Variants in GALC observed in about 807,000 individuals in gnomAD.
The protein encoded by GALC is galactocerebrosidase.
In GALC, 77 loss-of-function variants were observed where a neutral mutation model predicts 91.8. The observed-to-expected ratio is 0.84, with a 90% confidence interval of 0.70 to 1.01. The LOEUF (loss-of-function observed/expected upper bound fraction) is 1.01. Among genes scored for constraint, GALC ranks in the 50% least tolerant of loss-of-function variants. The pLI is 0.00. For synonymous variants in GALC, 357 were observed against 306.7 expected (o/e 1.16, Z -1.71); for missense variants, 882 against 855.9 (o/e 1.03, Z -0.38).
intron 8 of GALC, among the ~76,000 whole-genome samples, chr14:87,967,529 T>C (rs771125092): frequency 6.7e-6 from 1 of 149,934 alleles, no homozygotes; most frequent in Non-Finnish European, 1.5e-5. Flanking sequence ...TTTTGTTCTA[T>C]TTATCATTGT....
In GALC at chr14:87,947,843, C is replaced by T. The variant is rs375620970; in HGVS notation, c.1374G>A (p.Leu458=). 3 of 1,612,610 alleles carry T rather than the reference C, an allele frequency of 1.9e-6. No individual in the cohort carries two copies. The highest frequency in any genetic ancestry group is 2.2e-5 in the East Asian group (1 of 44,804). Residue 458 remains leucine (L), a synonymous_variant, in exon 13 of 17, where the codon CTG becomes CTA. Transcript: ENST00000261304. ...LDSDGSFTLS[L]HEDELFTLTT... ...TGAGTGTGAACAGCTCATCTTCATG[C>T]AGGCTCAGTGTGAAACTGCCATCGC...
chr14:87,990,149 CTTTA>C (rs1567016254), intron 1 of GALC, among the ~76,000 whole-genome samples: 3 of 152,156 alleles, frequency 2.0e-5, no homozygotes, highest in Admixed American at 1.3e-4. Context: ...CCCGGCACTC[CTTTA>C]TTTTTCTGAC....
chr14:87,947,715 G>A lies in GALC; in HGVS notation c.1489+13C>T. On this transcript the variant is annotated intron_variant, in intron 13 of 16. Coordinates refer to ENST00000261304, the MANE Select transcript of GALC (RefSeq NM_000153.4). ...TATAGAGACCAAGTTAAGTTTTAGT[G>A]AAAAATACTCACCAACATTGAAATC... is the stretch of plus-strand genomic sequence containing the variant. 6.2e-7 allele frequency: 1 copy of A among 1,611,140 alleles called. No individual in the cohort carries two copies.
chr14:87,992,296 C>T lies in GALC; in HGVS notation c.195+674G>A, dbSNP rs1251214690. On this transcript the variant is annotated intron_variant, in intron 1 of 16. Transcript: ENST00000261304. ...GGATACAAAACCAAAAAACAAAAAC[C>T]TTCTCACCCAAAGGTCGGCCACCAT... The T allele has an allele frequency of 2.0e-6, 3 of 1,535,692 alleles. 1 individual carries two copies. Among genetic ancestry groups the T allele is most frequent in the Non-Finnish European group, 1.7e-6 (2 of 1,146,902 alleles).
chr14:87,988,475 T>C lies in GALC; in HGVS notation c.244A>G (p.Ile82Val). 6.2e-7 allele frequency: 1 copy of C among 1,609,496 alleles called. No homozygotes were observed. The highest frequency in any genetic ancestry group is 8.5e-7 in the Non-Finnish European group (1 of 1,175,998). Reference protein sequence around the residue: ...VNYPEPYRSQILDYLFKPNFG... With the variant: ...VNYPEPYRSQVLDYLFKPNFG... ...ATTACCTTAAAGAGATAATCCAATA[T>C]CTGAGAACGATAGGGCTCTGGGTAA... The change falls in exon 2 of 17, where the codon ATA (isoleucine) becomes GTA (valine). Residue 82 changes from isoleucine (I) to valine (V), a missense_variant. Transcript: ENST00000261304.
At position 87,966,991 on chromosome 14, in the gene GALC, G is replaced by A. The variant is rs929060341; in HGVS notation, c.908+1344C>T. Among the ~76,000 whole-genome samples the A allele has an allele frequency of 4.6e-5, 7 of 152,160 alleles. 1 individual carries two copies. Among genetic ancestry groups the A allele is most frequent in the African/African-American group, 1.2e-4 (5 of 41,438 alleles). On this transcript the variant is annotated intron_variant, in intron 8 of 16. Coordinates refer to ENST00000261304, the MANE Select transcript of GALC (RefSeq NM_000153.4). The stretch of plus-strand genomic sequence containing the variant: ...TGACTAGATGGACAGAATACCAGGA[G>A]CCTTCCCTGTAGATTCTGATTCACA...
chr14:87,982,112 C>A, intron 6 of GALC, 93 bp downstream of exon 6: 2 of 697,678 alleles, frequency 2.9e-6, no homozygotes, highest in Non-Finnish European at 4.9e-6. Flanking sequence ...ACGGTATTTC[C>A]AACACAAATT....
intron 14 of GALC, 59 bp downstream of exon 14, chr14:87,945,494 T>C: frequency 8.0e-7 from 1 of 1,245,806 alleles, no homozygotes; most frequent in Non-Finnish European, 1.2e-6. Flanking sequence ...CTTCAAAATG[T>C]ACCTGACAAT....
intron 10 of GALC, among the ~76,000 whole-genome samples, chr14:87,956,541 C>CAT (rs989660333): frequency 2.1e-5 from 3 of 145,040 alleles, no homozygotes; most frequent in Non-Finnish European, 3.0e-5. Flanking sequence ...ATACATACAC[C>CAT]ATATATATAT....
chr14:87,947,383 T>A (rs1213089848), intron 13 of GALC, among the ~76,000 whole-genome samples: 1 of 152,018 alleles, frequency 6.6e-6, no homozygotes, highest in Admixed American at 6.6e-5. Context: ...CAGATATGAA[T>A]GTGTCTTAAC....
At chr14:87,955,699 T>C (rs1000734560) in intron 10 of GALC, among the ~76,000 whole-genome samples, 2 of 152,088 alleles carry the variant, frequency 1.3e-5, no homozygotes, top group Non-Finnish European at 2.9e-5. Flanking sequence ...ATAAAAAGCA[T>C]TGAAAACGAA....
chr14:87,988,347 C>T lies in GALC; in HGVS notation c.264+108G>A, dbSNP rs2245387. On this transcript the variant is annotated intron_variant, in intron 2 of 16. Transcript: ENST00000261304. ...AGCAATTTATTCCAAAAGTAATGTG[C>T]CATTTTTTCAAAAACTAGAATTGTG... is the stretch of plus-strand genomic sequence containing the variant. The T allele has an allele frequency of 0.36, 442,961 of 1,234,444 alleles. 84,787 individuals are homozygous for T. The highest frequency in any genetic ancestry group is 0.61 in the East Asian group (26,130 of 42,886). 76.5% of individuals were successfully genotyped at this position (1,234,444 alleles called of 1,614,324 possible).
At chr14:87,981,770 A>T (rs1271995889) in intron 6 of GALC, among the ~76,000 whole-genome samples, 1 of 152,158 alleles carries the variant, frequency 6.6e-6, no homozygotes, top group African/African-American at 2.4e-5. Context: ...CCTCTTTGCT[A>T]ATCACAAAGA....
chr14:87,984,135 C>CAAAAA (rs36113094), intron 5 of GALC, among the ~76,000 whole-genome samples: 1 of 116,262 alleles, frequency 8.6e-6, no homozygotes, highest in East Asian at 2.4e-4. Flanking sequence ...TGGGTTGATA[C>CAAAAA]AAAAAAAAAA....
chr14:87,954,408 G>C (rs966863029), intron 10 of GALC: 89 of 1,596,468 alleles, frequency 5.6e-5, no homozygotes, highest in Non-Finnish European at 7.0e-5. Context: ...GTATTATGGA[G>C]TCCTGGAGCA....
chr14:87,950,444 G>A (rs1402514913), intron 11 of GALC, among the ~76,000 whole-genome samples: 1 of 151,524 alleles, frequency 6.6e-6, no homozygotes, highest in Non-Finnish European at 1.5e-5. Flanking sequence ...TTTTGTAAGT[G>A]TTCCTCAAAG....
chr14:87,938,710 A>C (rs424977), intron 16 of GALC, among the ~76,000 whole-genome samples: 69,164 of 151,712 alleles, frequency 0.46, 16,108 homozygotes, highest in Non-Finnish European at 0.48. Flanking sequence ...AGCTTGGGGG[A>C]AAAATGTTCC....
rs555414377 is a variant in GALC, at chr14:87,953,434, C to T, written c.1162-2686G>A. ...AGCATATTCTCTTGAACATTTTAGT[C>T]CTGTTTTTCCTAAAACAGAAAATAG... is the stretch of plus-strand genomic sequence containing the variant. On this transcript the variant is annotated intron_variant, in intron 10 of 16. Transcript: ENST00000261304. The T allele has an allele frequency of 2.8e-5, 42 of 1,504,306 alleles. No homozygotes were observed. The East Asian group carries it at 9.3e-4, about 33-fold the overall frequency. The allele number at this position is 1,504,306 out of a possible 1,614,324, so 93.2% of individuals were successfully genotyped here.
chr14:87,943,621 T>C (rs77010659), intron 14 of GALC, among the ~76,000 whole-genome samples: 16,821 of 152,042 alleles, frequency 0.11, 1,154 homozygotes, highest in Non-Finnish European at 0.16. Context: ...ATTGGGTAAA[T>C]CTTATTCCAA....
Sources: gnomAD v4.1 joint callset for allele counts (sites outside exome capture counted in the v4.1 genomes callset) on GRCh38, gnomAD v4.1.1 for gene constraint, MANE v1.5 for transcripts, NCBI Gene and HGNC (gene_info 2026-07-23, HGNC 2026-07-21) for gene names.